Variants in VPS13A observed in about 807,000 individuals in gnomAD.
VPS13A encodes intermembrane lipid transfer protein VPS13A.
VPS13A carries 264 observed loss-of-function variants against 390.9 expected under a neutral mutation model. The observed-to-expected ratio is 0.68, with a 90% confidence interval of 0.61 to 0.75. The LOEUF is 0.75. Among genes scored for constraint, VPS13A ranks in the 30% least tolerant of loss-of-function variants. The pLI, the probability that VPS13A is intolerant of heterozygous loss-of-function variation, is 0.00. For synonymous variants in VPS13A, 1,231 were observed against 1,227.1 expected, an observed-to-expected ratio of 1.00 and a Z score of -0.07; for missense variants, 3,409 against 3,733.9, an observed-to-expected ratio of 0.91 and a Z score of 2.27.
chr9:77,297,677 C>T (rs1828097097), intron 33 of VPS13A, among the ~76,000 whole-genome samples: 1 of 151,542 alleles, frequency 6.6e-6, no homozygotes, highest in Non-Finnish European at 1.5e-5. Flanking sequence ...ATTTATTAAG[C>T]ACCAAATCTA....
chr9:77,359,095 C>T (rs570361552), intron 57 of VPS13A, among the ~76,000 whole-genome samples: 2 of 152,318 alleles, frequency 1.3e-5, no homozygotes, highest in South Asian at 4.1e-4. Flanking sequence ...GATTCTAATG[C>T]ATACTTCTAA....
intron 26 of VPS13A, among the ~76,000 whole-genome samples, chr9:77,278,664 T>C (rs1192859537): frequency 6.6e-6 from 1 of 152,200 alleles, no homozygotes; most frequent in Non-Finnish European, 1.5e-5. Context: ...GCATTAGGTT[T>C]GGAGAACTCT....
intron 1 of VPS13A, among the ~76,000 whole-genome samples, chr9:77,181,332 A>T (rs1460726307): frequency 6.6e-6 from 1 of 151,878 alleles, no homozygotes; most frequent in Non-Finnish European, 1.5e-5. Context: ...AATGTGGTGA[A>T]ACCTCATCTC....
chr9:77,368,059 G>A lies in VPS13A; in HGVS notation c.8476G>A (p.Ala2826Thr), dbSNP rs1832533722. The A allele has an allele frequency of 1.2e-6, 2 of 1,611,048 alleles. No homozygotes were observed. The highest frequency in any genetic ancestry group is 1.7e-6 in the Non-Finnish European group (2 of 1,178,882). The change falls in exon 62 of 72, where the codon GCA (alanine) becomes ACA (threonine). Residue 2826 changes from alanine to threonine, a missense_variant. Physicochemically the swap from Ala to Thr is moderately conservative, Grantham distance 58. Transcript: ENST00000360280. Reference protein sequence around the residue: ...TDVQDVVFKLAFFELNYQFHT... With the variant: ...TDVQDVVFKLTFFELNYQFHT... Reference sequence around the variant, plus strand: ...ATATTTTTACGCTTTTTTCAGGCTTGCATTTTTTGAACTCAACTATCAGTT... The same window carrying A: ...ATATTTTTACGCTTTTTTCAGGCTTACATTTTTTGAACTCAACTATCAGTT...
In VPS13A at chr9:77,234,578, A is replaced by G. The variant is rs115656104; in HGVS notation, c.1596-3424A>G. Among the ~76,000 whole-genome samples, 739 of 152,280 alleles carry G rather than the reference A, an allele frequency of 4.9e-3. 4 individuals are homozygous for G. The highest frequency in any genetic ancestry group is 0.016 in the African/African-American group (669 of 41,538). ...AATAATTAGTCATAAGTTGAGGAGC[A>G]TCTGTATTGTTGTATCATGTTTTTT... On this transcript the variant is annotated intron_variant, in intron 17 of 71. Transcript: ENST00000360280.
In VPS13A at chr9:77,400,221, A is replaced by C. The variant is rs1181410361; in HGVS notation, c.9190-3015A>C. ...GAATATTTTCTCATGTTTATCAGTC[A>C]GATTTTTTTTTTTTTTTTTTTTTTG... On this transcript the variant is annotated intron_variant, in intron 68 of 71. Coordinates refer to ENST00000360280, the MANE Select transcript of VPS13A (RefSeq NM_033305.3). Among the ~76,000 whole-genome samples, 2 of 102,374 alleles carry C rather than the reference A, an allele frequency of 2.0e-5. 1 individual carries two copies. 67.2% of individuals were successfully genotyped at this position (102,374 alleles called of 152,430 possible).
Position 77,282,215 on chromosome 9 carries a change from A to T in VPS13A, c.3059A>T (p.Lys1020Ile). 3 of 1,613,738 alleles carry T rather than the reference A, an allele frequency of 1.9e-6. No homozygotes were observed. The highest frequency in any genetic ancestry group is 2.5e-6 in the Non-Finnish European group (3 of 1,179,820). ...LHNILPQSEEKSAPVSTTETE... is the reference protein window; with the variant it reads ...LHNILPQSEEISAPVSTTETE... ...AATATCCTTCCGCAATCAGAGGAAA[A>T]ATCAGCCCCAGTGTCCACTACAGAG... Residue 1020 changes from lysine (K) to isoleucine (I), a missense_variant, in exon 29 of 72, where the codon AAA becomes ATA. Around this residue, in one of 5 missense-constraint regions of VPS13A, gnomAD observed 2,717 missense variants for 2,917.4 expected, o/e 0.93. Transcript: ENST00000360280.
chr9:77,178,076 C>T lies in VPS13A; in HGVS notation c.100+272C>T, dbSNP rs1589954487. The T allele has an allele frequency of 1.0e-5, 4 of 390,966 alleles. No individual in the cohort carries two copies. In the East Asian group the frequency reaches 2.5e-4, roughly 25 times the overall value. 24.2% of individuals were successfully genotyped at this position (390,966 alleles called of 1,614,324 possible). On this transcript the variant is annotated intron_variant, in intron 1 of 71. Coordinates refer to ENST00000360280, the MANE Select transcript of VPS13A (RefSeq NM_033305.3). ...CCGAGCGGAGCGGACTTGCCGTGGG[C>T]TCCGTGGGTCTGGCGTTCAAGTCCC...
At chr9:77,200,250 G>A (rs1026109251) in intron 2 of VPS13A, among the ~76,000 whole-genome samples, 3 of 152,132 alleles carry the variant, frequency 2.0e-5, no homozygotes, top group South Asian at 2.1e-4. Context: ...ACTTTGGGAG[G>A]TCAAGGCAGG....
chr9:77,383,158 G>C (rs1367058671), intron 68 of VPS13A, among the ~76,000 whole-genome samples: 1 of 151,908 alleles, frequency 6.6e-6, no homozygotes, highest in Non-Finnish European at 1.5e-5. Context: ...TTTACCTATT[G>C]CAGGGCATAT....
chr9:77,318,257 C>G lies in VPS13A; in HGVS notation c.4979C>G (p.Thr1660Ser), dbSNP rs139073067. ...TAGGTTTCACCAGTTATTATAAATA[C>G]TATGATTACCATAACTTCAGCACTG... ...TLKVSPVIIN[T>S]MITITSALYT... The change falls in exon 41 of 72, where the codon ACT becomes AGT. Residue 1660 changes from threonine (T) to serine (S), a missense_variant. This residue lies in a region of VPS13A where 2,717 missense variants were observed against 2,917.4 expected (regional missense o/e 0.93). Transcript: ENST00000360280. 85 of 1,597,542 alleles carry G rather than the reference C, an allele frequency of 5.3e-5. No homozygotes were observed. The highest frequency in any genetic ancestry group is 7.1e-5 in the Non-Finnish European group (83 of 1,174,900).
rs373820551 is a variant in VPS13A, at chr9:77,378,397, A to G, written c.9078-3579A>G. Among the ~76,000 whole-genome samples the G allele has an allele frequency of 2.0e-4, 31 of 152,296 alleles. No individual in the cohort carries two copies. In the East Asian group the frequency reaches 3.9e-3, roughly 19 times the overall value. On this transcript the variant is annotated intron_variant, in intron 67 of 71. Transcript: ENST00000360280. ...AGTAGTTTTTATAGGAATTTGTTCA[A>G]TTCATCTAGATGTTCTAATTTGTTG...
At chr9:77,300,726 T>C (rs1828293099) in intron 33 of VPS13A, among the ~76,000 whole-genome samples, 1 of 152,090 alleles carries the variant, frequency 6.6e-6, no homozygotes, top group East Asian at 1.9e-4. Context: ...AATGAGACTG[T>C]CTCAAAAAAA....
intron 68 of VPS13A, among the ~76,000 whole-genome samples, chr9:77,400,024 C>T (rs1352235246): frequency 6.6e-6 from 1 of 152,044 alleles, no homozygotes; most frequent in Non-Finnish European, 1.5e-5. Context: ...TTTATTTAAC[C>T]AGTACCCTTT....
intron 68 of VPS13A, among the ~76,000 whole-genome samples, chr9:77,393,760 TCTAGGA>T: frequency 6.6e-6 from 1 of 152,176 alleles, no homozygotes; most frequent in African/African-American, 2.4e-5. Context: ...TCTTAAGGAC[TCTAGGA>T]TTTTTTCTTT....
rs199999368 is a variant in VPS13A, at chr9:77,212,940, T to A, written c.556-29T>A. 2.2e-4 allele frequency: 352 copies of A among 1,612,270 alleles called. 1 individual carries two copies. In the African/African-American group the frequency reaches 4.2e-3, roughly 19 times the overall value. On this transcript the variant is annotated intron_variant, in intron 7 of 71. Transcript: ENST00000360280. ...TGCTGTTTCAAATGGAATGACCTTT[T>A]TACTGCCATTGTTTTTTTTCCTTTT...
Position 77,416,026 on chromosome 9 carries a change from A to T in VPS13A, c.*20A>T. 6.2e-7 allele frequency: 1 copy of T among 1,613,084 alleles called. No homozygotes were observed. The highest frequency in any genetic ancestry group is 1.3e-5 in the African/African-American group (1 of 75,014). ...CTCTGACAGAGAACACTGCCTGAAG[A>T]CACACAGCAATAAGTGATTACAGCT... On this transcript the variant is annotated 3_prime_UTR_variant, in exon 72 of 72. Transcript: ENST00000360280.
chr9:77,322,364 T>C (rs1829796511), intron 44 of VPS13A, among the ~76,000 whole-genome samples: 1 of 151,938 alleles, frequency 6.6e-6, no homozygotes, highest in Non-Finnish European at 1.5e-5. Context: ...CCTACACCAC[T>C]TTTTGATACT....
chr9:77,191,295 C>CT (rs200313087), intron 1 of VPS13A, among the ~76,000 whole-genome samples: 9,747 of 134,494 alleles, frequency 0.072, 566 homozygotes, highest in African/African-American at 0.14. Context: ...TTTTCTTCTT[C>CT]TTTTTTTTTT....
Sources: gnomAD v4.1 joint callset for allele counts (sites outside exome capture counted in the v4.1 genomes callset) on GRCh38, gnomAD v4.1.1 for gene constraint, gnomAD v4.1.1 regional missense constraint, MANE v1.5 for transcripts, NCBI Gene and HGNC (gene_info 2026-07-23, HGNC 2026-07-21) for gene names.